The following NAV1 variants were observed in gnomAD, a reference collection of about 807,000 sequenced individuals.
NAV1 encodes the protein pore membrane and/or filament interacting like protein 3.
Under a neutral mutation model 175.2 loss-of-function variants are expected in NAV1, and 18 were observed. The observed-to-expected ratio is 0.10, with a 90% confidence interval of 0.07 to 0.15. NAV1 has a LOEUF of 0.15. Among genes scored for constraint, NAV1 ranks in the 10% least tolerant of loss-of-function variants. The pLI, the probability that NAV1 is intolerant of heterozygous loss-of-function variation, is 1.00. For missense variants in NAV1, 1,731 were observed against 2,436.6 expected (o/e 0.71, Z 6.10); for synonymous variants, 897 against 978.7 (o/e 0.92, Z 1.56).
At chr1:201,552,999 G>C (rs917027578) in intron 1 of NAV1, among the ~76,000 whole-genome samples, 5 of 152,160 alleles carry the variant, frequency 3.3e-5, no homozygotes, top group East Asian at 1.9e-4. Flanking sequence ...GGGGACGAGG[G>C]GGGCAGAGTG....
intron 1 of NAV1, among the ~76,000 whole-genome samples, chr1:201,575,170 T>G (rs550661084): frequency 6.6e-6 from 1 of 152,216 alleles, no homozygotes; most frequent in Non-Finnish European, 1.5e-5. Context: ...GGACTCTCAG[T>G]GCTTCCCTTT....
intron 3 of NAV1, among the ~76,000 whole-genome samples, chr1:201,751,949 G>A (rs1160726368): frequency 1.3e-5 from 2 of 152,128 alleles, no homozygotes; most frequent in Admixed American, 6.5e-5. Context: ...TTTGTAATAG[G>A]TGAGAGATGT....
chr1:201,748,206 C>G (rs973229775), intron 3 of NAV1, among the ~76,000 whole-genome samples: 2 of 152,222 alleles, frequency 1.3e-5, no homozygotes, highest in African/African-American at 4.8e-5. Flanking sequence ...GTCCTCCTCT[C>G]TCACTCTTAT....
Position 201,691,119 on chromosome 1 carries a change from C to A in NAV1, c.758-21698C>A, listed in dbSNP as rs115768995. Reference sequence around the variant, plus strand: ...TAATGGCATTTTGGGTCAGTTAATTCTTTGCTATAGAGGGCTGTCCTGGGC... The same window carrying A: ...TAATGGCATTTTGGGTCAGTTAATTATTTGCTATAGAGGGCTGTCCTGGGC... On this transcript the variant is annotated intron_variant, in intron 1 of 29. Coordinates refer to ENST00000367296, the Ensembl canonical transcript of NAV1. Among the ~76,000 whole-genome samples the A allele has an allele frequency of 2.1e-3, 324 of 152,252 alleles. 2 individuals are homozygous for A. The highest frequency in any genetic ancestry group is 7.3e-3 in the African/African-American group (305 of 41,550).
At chr1:201,658,346 G>C (rs540799091) in intron 1 of NAV1, among the ~76,000 whole-genome samples, 4 of 150,928 alleles carry the variant, frequency 2.7e-5, no homozygotes, top group African/African-American at 9.9e-5. Context: ...CTGAGGGCTC[G>C]GCCAGCTGGA....
At chr1:201,653,571 GA>G (rs1162844086) in intron 1 of NAV1, among the ~76,000 whole-genome samples, 2 of 152,234 alleles carry the variant, frequency 1.3e-5, no homozygotes, top group Non-Finnish European at 2.9e-5. Flanking sequence ...GCAGGAGAAA[GA>G]AATGTGTTCA....
At chr1:201,541,162 A>C (rs1435790538) in intron 1 of NAV1, among the ~76,000 whole-genome samples, 1 of 152,230 alleles carries the variant, frequency 6.6e-6, no homozygotes, top group Admixed American at 6.5e-5. Flanking sequence ...GTGTTTGTGC[A>C]CATGCCTATC....
chr1:201,722,478 A>G (rs532548641), intron 3 of NAV1, among the ~76,000 whole-genome samples: 34 of 152,324 alleles, frequency 2.2e-4, no homozygotes, highest in African/African-American at 7.2e-4. Context: ...TGTTGTAGGT[A>G]TACGCCACAT....
chr1:201,609,889 A>G (rs1353669967), intron 2 of NAV1, among the ~76,000 whole-genome samples: 1 of 152,198 alleles, frequency 6.6e-6, no homozygotes, highest in Non-Finnish European at 1.5e-5. Context: ...GGAAACCTGG[A>G]TGGAACAGGG....
chr1:201,623,864 G>T (rs781622293), intron 1 of NAV1, among the ~76,000 whole-genome samples: 3 of 152,280 alleles, frequency 2.0e-5, no homozygotes, highest in Non-Finnish European at 2.9e-5. Context: ...AACAAAAAGA[G>T]TCTCATAAGG....
chr1:201,563,412 G>C (rs1666260755), intron 1 of NAV1, among the ~76,000 whole-genome samples: 1 of 151,910 alleles, frequency 6.6e-6, no homozygotes, highest in African/African-American at 2.4e-5. Flanking sequence ...ACTGGGCCCA[G>C]AGAAAAGCAT....
chr1:201,583,457 A>C (rs1199415846), intron 1 of NAV1, among the ~76,000 whole-genome samples: 1 of 152,228 alleles, frequency 6.6e-6, no homozygotes, highest in Non-Finnish European at 1.5e-5. Flanking sequence ...CAAGAGCAGC[A>C]CCTGCAGAGG....
At chr1:201,716,789 G>A (rs1480490061) in intron 2 of NAV1, among the ~76,000 whole-genome samples, 2 of 152,214 alleles carry the variant, frequency 1.3e-5, no homozygotes, top group Non-Finnish European at 2.9e-5. Context: ...GAGGCAGGAG[G>A]GTCACTTGAG....
intron 3 of NAV1, chr1:201,733,379 CAAAAAAG>C (rs939146633): frequency 3.3e-5 from 5 of 151,734 alleles, no homozygotes; most frequent in African/African-American, 1.2e-4. Context: ...GACTCCTTCT[CAAAAAAG>C]AAAAAAGAAA....
intron 13 of NAV1, chr1:201,791,397 A>G (rs1677106113): frequency 6.6e-6 from 1 of 152,550 alleles, no homozygotes; most frequent in South Asian, 2.1e-4. Context: ...GAACGAGTCT[A>G]TTTCTTTAGA....
At chr1:201,549,073 TTTTCTCTTTC>T (rs1227034884) in intron 1 of NAV1, among the ~76,000 whole-genome samples, 5 of 148,670 alleles carry the variant, frequency 3.4e-5, no homozygotes, top group Admixed American at 6.8e-5. Context: ...GATATTCTAG[TTTTCTCTTTC>T]TTTCTTTCTT....
At chr1:201,732,572 A>G (rs1421760075) in intron 3 of NAV1, among the ~76,000 whole-genome samples, 1 of 152,178 alleles carries the variant, frequency 6.6e-6, no homozygotes, top group Non-Finnish European at 1.5e-5. Flanking sequence ...CTAGAGCCCA[A>G]CTGGTCTGGT....
At chr1:201,638,140 G>C (rs1323436281) in intron 2 of NAV1, among the ~76,000 whole-genome samples, 2 of 152,138 alleles carry the variant, frequency 1.3e-5, no homozygotes, top group Non-Finnish European at 2.9e-5. Context: ...TAGATGACCA[G>C]CTGCATATAT....
At chr1:201,545,370 T>C (rs961970044) in intron 1 of NAV1, among the ~76,000 whole-genome samples, 1 of 151,630 alleles carries the variant, frequency 6.6e-6, no homozygotes, top group South Asian at 2.1e-4. Context: ...CTTTTTTTTT[T>C]TAATTAATTT....
Sources: allele counts gnomAD v4.1 joint callset (sites outside exome capture counted in the v4.1 genomes callset), GRCh38; gene constraint gnomAD v4.1.1; transcripts MANE v1.5; gene names NCBI Gene and HGNC (gene_info 2026-07-23, HGNC 2026-07-21).